The following FAM117B variants were observed in gnomAD, a reference collection of about 807,000 sequenced individuals.
FAM117B encodes protein FAM117B.
In FAM117B, 22 loss-of-function variants were observed where a neutral mutation model predicts 52.8. The ratio of observed to expected loss-of-function variants is 0.42; its 90% CI spans 0.30 to 0.59. FAM117B has a LOEUF of 0.59. FAM117B is among the 20% of genes least tolerant of loss of function. The pLI, the probability that FAM117B is intolerant of heterozygous loss-of-function variation, is 0.22. For missense variants in FAM117B, 678 were observed against 802.6 expected, an observed-to-expected ratio of 0.84 and a Z score of 1.88; for synonymous variants, 309 against 324.1, an observed-to-expected ratio of 0.95 and a Z score of 0.50.
At chr2:202,700,020 C>G (rs949770599) in intron 2 of FAM117B, among the ~76,000 whole-genome samples, 3 of 152,170 alleles carry the variant, frequency 2.0e-5, no homozygotes, top group Admixed American at 1.3e-4. Flanking sequence ...AGACGGGGAA[C>G]TTAATTGATG....
intron 4 of FAM117B, among the ~76,000 whole-genome samples, chr2:202,730,724 C>T (rs1691329042): frequency 6.6e-6 from 1 of 152,134 alleles, no homozygotes; most frequent in South Asian, 2.1e-4. Context: ...GTTTATCTAT[C>T]TACCTCAGCA....
chr2:202,673,250 A>G (rs1224124512), intron 1 of FAM117B, among the ~76,000 whole-genome samples: 2 of 151,962 alleles, frequency 1.3e-5, no homozygotes, highest in Non-Finnish European at 2.9e-5. Flanking sequence ...GGAGCTATGG[A>G]GTGTTTACAA....
chr2:202,673,517 G>A (rs1039673119), intron 1 of FAM117B, among the ~76,000 whole-genome samples: 3 of 125,896 alleles, frequency 2.4e-5, no homozygotes, highest in Admixed American at 2.1e-4. Context: ...GTGCAATCTC[G>A]GCTCACTGCA....
intron 4 of FAM117B, 151 bp from the exon 5 acceptor site, chr2:202,755,387 T>G: frequency 1.3e-6 from 1 of 798,128 alleles, no homozygotes. Flanking sequence ...ATTTCATACA[T>G]GCTAAGGAGC....
chr2:202,681,748 A>G (rs1054503799), intron 1 of FAM117B, among the ~76,000 whole-genome samples: 8 of 152,260 alleles, frequency 5.3e-5, no homozygotes, highest in African/African-American at 1.9e-4. Flanking sequence ...TAGAACACTC[A>G]GCGACAGTGA....
rs1559090428 is a variant in FAM117B at position 202,634,997 on chromosome 2, G to GCA, written c.-191_-190insCA. Among the ~76,000 whole-genome samples the GCA allele has an allele frequency of 2.2e-3, 265 of 123,182 alleles. 1 individual carries two copies. Among genetic ancestry groups the GCA allele is most frequent in the Non-Finnish European group, 3.7e-3 (207 of 56,502 alleles). 80.8% of individuals were successfully genotyped at this position (123,182 alleles called of 152,430 possible). A position where few individuals can be genotyped will look rare whatever the true frequency, so the allele number is the denominator to read the frequency against. On this transcript the variant is annotated 5_prime_UTR_variant, in exon 1 of 8. Coordinates refer to ENST00000392238, the MANE Select transcript of FAM117B (RefSeq NM_173511.4). ...GGAGACACTATTGTTGATGAGGAGC[G>GCA]GCGGCGGCGGCGGCGGCGGCTGCAC...
intron 1 of FAM117B, among the ~76,000 whole-genome samples, chr2:202,650,847 C>T (rs1229908554): frequency 5.9e-5 from 9 of 152,118 alleles, no homozygotes; most frequent in East Asian, 5.8e-4. Flanking sequence ...TTATTCTAGC[C>T]GCACTGGCAG....
chr2:202,751,588 C>T lies in FAM117B; in HGVS notation c.961-3950C>T, dbSNP rs548718089. On this transcript the variant is annotated intron_variant, in intron 4 of 7. Transcript: ENST00000392238. ...TTTGAGACCAGCCAGGCCAACGTTGCGAAACCTCATCATCTCTACTAAATA... is the reference window on the plus strand; with the variant it reads ...TTTGAGACCAGCCAGGCCAACGTTGTGAAACCTCATCATCTCTACTAAATA... Among the ~76,000 whole-genome samples, 9 of 151,966 alleles carry T rather than the reference C, an allele frequency of 5.9e-5. No individual in the cohort carries two copies. In the South Asian group the frequency reaches 1.5e-3, roughly 25 times the overall value.
chr2:202,654,196 TTTA>T (rs1386151728), intron 1 of FAM117B, among the ~76,000 whole-genome samples: 1 of 152,094 alleles, frequency 6.6e-6, no homozygotes, highest in Non-Finnish European at 1.5e-5. Context: ...GCCAAATTTT[TTTA>T]TTTATAATAT....
At chr2:202,661,615 T>C (rs1690127705) in intron 1 of FAM117B, among the ~76,000 whole-genome samples, 1 of 151,628 alleles carries the variant, frequency 6.6e-6, no homozygotes, top group Non-Finnish European at 1.5e-5. Flanking sequence ...TCAGCTAACA[T>C]TAAAAAATTA....
At chr2:202,659,604 CT>C (rs71030981) in intron 1 of FAM117B, among the ~76,000 whole-genome samples, 120 of 62,294 alleles carry the variant, frequency 1.9e-3, no homozygotes, top group Middle Eastern at 0.012. Flanking sequence ...AGCCACCGTG[CT>C]TTTTTTTTTT....
chr2:202,696,762 G>C (rs1332977457), intron 2 of FAM117B, among the ~76,000 whole-genome samples: 1 of 152,102 alleles, frequency 6.6e-6, no homozygotes, highest in African/African-American at 2.4e-5. Flanking sequence ...TTAATAGAAA[G>C]GGATCTCAAG....
intron 1 of FAM117B, among the ~76,000 whole-genome samples, chr2:202,675,670 C>G (rs1474255447): frequency 2.6e-5 from 4 of 151,898 alleles, no homozygotes; most frequent in Non-Finnish European, 5.9e-5. Flanking sequence ...TGAGCAGAAC[C>G]TAGTGACTCA....
intron 4 of FAM117B, among the ~76,000 whole-genome samples, chr2:202,732,046 C>CTTTTTTTTTTT (rs758181285): frequency 2.2e-5 from 3 of 135,014 alleles, no homozygotes; most frequent in African/African-American, 8.1e-5. Context: ...ATTTATTTTT[C>CTTTTTTTTTTT]TTTTTTTTTT....
intron 5 of FAM117B, among the ~76,000 whole-genome samples, chr2:202,757,002 T>A (rs2105799718): frequency 6.6e-6 from 1 of 152,196 alleles, no homozygotes; most frequent in African/African-American, 2.4e-5. Context: ...ATGCCTGGCC[T>A]TGGGAATACA....
intron 1 of FAM117B, among the ~76,000 whole-genome samples, chr2:202,640,293 AAAATATATATATATATATATATATATAT>A (rs1415048740): frequency 1.5e-4 from 9 of 61,690 alleles, no homozygotes; most frequent in Admixed American, 9.4e-4. Flanking sequence ...CCACCACCAC[AAAATATATATATATATATATATATATAT>A]ATATATATAT....
chr2:202,680,643 G>A (rs1690448961), intron 1 of FAM117B, among the ~76,000 whole-genome samples: 1 of 152,098 alleles, frequency 6.6e-6, no homozygotes, highest in Non-Finnish European at 1.5e-5. Context: ...CCAAAAAAAA[G>A]GGCAAATTTC....
intron 2 of FAM117B, among the ~76,000 whole-genome samples, chr2:202,707,024 C>T (rs1690881093): frequency 6.6e-6 from 1 of 151,972 alleles, no homozygotes; most frequent in African/African-American, 2.4e-5. Flanking sequence ...CCAGTGACAC[C>T]ATACATTGTT....
chr2:202,675,445 C>CAAAAAAAAAAAA (rs386392341), intron 1 of FAM117B, among the ~76,000 whole-genome samples: 2 of 67,792 alleles, frequency 3.0e-5, no homozygotes, highest in African/African-American at 1.2e-4. Flanking sequence ...GACCTTATCT[C>CAAAAAAAAAAAA]AAAAAAAAAA....
Sources: allele counts gnomAD v4.1 joint callset (sites outside exome capture counted in the v4.1 genomes callset), GRCh38; gene constraint gnomAD v4.1.1; transcripts MANE v1.5; gene names NCBI Gene and HGNC (gene_info 2026-07-23, HGNC 2026-07-21).